The following ALCAM variants were observed in gnomAD, a reference collection of about 807,000 sequenced individuals.
The protein encoded by ALCAM is activated leukocyte cell adhesion molecule, also known as CD166 antigen.
A neutral mutation model predicts 70.9 loss-of-function variants in ALCAM; 30 were observed. The ratio of observed to expected loss-of-function variants is 0.42; its 90% CI spans 0.32 to 0.57. ALCAM has a LOEUF of 0.57. Among genes scored for constraint, ALCAM ranks in the 20% least tolerant of loss-of-function variants. The pLI, the probability that ALCAM is intolerant of heterozygous loss-of-function variation, is 0.11. For missense variants in ALCAM, 591 were observed against 695.1 expected, an observed-to-expected ratio of 0.85 and a Z score of 1.68; for synonymous variants, 249 against 242.5, an observed-to-expected ratio of 1.03 and a Z score of -0.25.
intron 1 of ALCAM, among the ~76,000 whole-genome samples, chr3:105,385,010 T>A (rs936556027): frequency 1.3e-5 from 2 of 151,570 alleles, no homozygotes; most frequent in African/African-American, 2.4e-5. Flanking sequence ...GACAATTTTT[T>A]AAAAAATCTT....
At chr3:105,539,319 C>T (rs1940057667) in intron 6 of ALCAM, among the ~76,000 whole-genome samples, 1 of 152,078 alleles carries the variant, frequency 6.6e-6, no homozygotes, top group South Asian at 2.1e-4. Context: ...GAAGCATACC[C>T]TTTAGCCCTA....
chr3:105,506,579 C>T (rs1031370313), intron 1 of ALCAM, among the ~76,000 whole-genome samples: 1 of 152,132 alleles, frequency 6.6e-6, no homozygotes, highest in Non-Finnish European at 1.5e-5. Flanking sequence ...CCTAGTATTC[C>T]TTTAATGAGT....
chr3:105,518,926 G>T (rs1182893233), intron 1 of ALCAM, among the ~76,000 whole-genome samples: 1 of 152,088 alleles, frequency 6.6e-6, no homozygotes, highest in Non-Finnish European at 1.5e-5. Context: ...ATAGATAACA[G>T]TCGAAAGATG....
At chr3:105,412,474 C>T (rs1048048893) in intron 1 of ALCAM, among the ~76,000 whole-genome samples, 34 of 152,038 alleles carry the variant, frequency 2.2e-4, no homozygotes, top group African/African-American at 8.2e-4. Context: ...TAATTTTATA[C>T]TCAAATCTAG....
chr3:105,571,294 G>A lies in ALCAM; in HGVS notation c.1665-558G>A, dbSNP rs532343681. 1.2e-4 allele frequency among the ~76,000 whole-genome samples: 19 copies of A among 152,274 alleles called. No homozygotes were observed. In the South Asian group the frequency reaches 2.1e-3, roughly 17 times the overall value. On this transcript the variant is annotated intron_variant, in intron 14 of 15. Transcript: ENST00000306107. The stretch of plus-strand genomic sequence containing the variant: ...ACTGCTGGTCTGGGGACCATAATTT[G>A]AGAACCAGCCACGTTAAAGTTGCTA...
At chr3:105,514,265 T>C (rs1559817366) in intron 1 of ALCAM, among the ~76,000 whole-genome samples, 1 of 151,940 alleles carries the variant, frequency 6.6e-6, no homozygotes, top group Admixed American at 6.6e-5. Context: ...ATTTGATGCA[T>C]GATTGAATGA....
chr3:105,480,463 G>A (rs1395853816), intron 1 of ALCAM, among the ~76,000 whole-genome samples: 4 of 152,272 alleles, frequency 2.6e-5, no homozygotes, highest in African/African-American at 9.6e-5. Context: ...ATGTTTCTGA[G>A]TGTGGTGTGT....
At chr3:105,524,756 G>T (rs1276560175) in intron 3 of ALCAM, 1 of 1,247,192 alleles carries the variant, frequency 8.0e-7, no homozygotes, top group Non-Finnish European at 1.0e-6. Flanking sequence ...ATGTAAAAAT[G>T]TCGTGAGCTA....
At chr3:105,403,457 T>A (rs756132464) in intron 1 of ALCAM, among the ~76,000 whole-genome samples, 1 of 152,120 alleles carries the variant, frequency 6.6e-6, no homozygotes, top group Non-Finnish European at 1.5e-5. Flanking sequence ...GTAGCTCCAC[T>A]GGGTTGCCAG....
chr3:105,572,542 A>G (rs147355793), intron 15 of ALCAM, among the ~76,000 whole-genome samples: 9 of 152,306 alleles, frequency 5.9e-5, no homozygotes, highest in African/African-American at 2.2e-4. Context: ...TGCAATAAAC[A>G]TACATGTGGA....
intron 1 of ALCAM, among the ~76,000 whole-genome samples, chr3:105,506,371 C>T (rs1319601402): frequency 6.6e-6 from 1 of 152,148 alleles, no homozygotes; most frequent in Non-Finnish European, 1.5e-5. Flanking sequence ...TGAAAATTAC[C>T]ATTGGATTTT....
chr3:105,523,086 G>A (rs1939588843), intron 2 of ALCAM, among the ~76,000 whole-genome samples: 1 of 139,420 alleles, frequency 7.2e-6, no homozygotes, highest in Non-Finnish European at 1.5e-5. Context: ...CTTGCAGTGA[G>A]CCGAAGTTGT....
chr3:105,401,141 G>A (rs1264567106), intron 1 of ALCAM, among the ~76,000 whole-genome samples: 1 of 152,220 alleles, frequency 6.6e-6, no homozygotes, highest in Non-Finnish European at 1.5e-5. Context: ...TACAGGCATT[G>A]ATCGTTTCTT....
chr3:105,538,601 T>C (rs1049945102), intron 6 of ALCAM, among the ~76,000 whole-genome samples: 2 of 152,082 alleles, frequency 1.3e-5, no homozygotes, highest in African/African-American at 4.8e-5. Flanking sequence ...CTGGCTGTTC[T>C]GTTGTGTCAA....
intron 1 of ALCAM, among the ~76,000 whole-genome samples, chr3:105,449,201 A>C (rs189802080): frequency 6.8e-4 from 104 of 152,322 alleles, no homozygotes; most frequent in African/African-American, 2.4e-3. Context: ...GTTCAGCATA[A>C]AATAGTATCT....
intron 1 of ALCAM, among the ~76,000 whole-genome samples, chr3:105,385,473 A>G (rs548034707): frequency 1.6e-4 from 24 of 151,738 alleles, no homozygotes; most frequent in Admixed American, 7.2e-4. Flanking sequence ...CAAACTGTTT[A>G]TGTGGACCAG....
chr3:105,473,846 G>T (rs13317379), intron 1 of ALCAM, among the ~76,000 whole-genome samples: 12,230 of 151,296 alleles, frequency 0.081, 609 homozygotes, highest in Non-Finnish European at 0.12. Context: ...TAGACAATGT[G>T]AGCTGCTGAT....
chr3:105,483,796 A>G (rs1001007917), intron 1 of ALCAM, among the ~76,000 whole-genome samples: 1 of 152,146 alleles, frequency 6.6e-6, no homozygotes, highest in Non-Finnish European at 1.5e-5. Flanking sequence ...ACATGTAAAC[A>G]GAAGTTGCAT....
intron 1 of ALCAM, among the ~76,000 whole-genome samples, chr3:105,445,989 C>T (rs572047358): frequency 1.3e-5 from 2 of 152,044 alleles, no homozygotes; most frequent in South Asian, 2.1e-4. Flanking sequence ...GGAATTACAT[C>T]TAATGTAAAT....
Sources: gnomAD v4.1 joint callset for allele counts (sites outside exome capture counted in the v4.1 genomes callset) on GRCh38, gnomAD v4.1.1 for gene constraint, MANE v1.5 for transcripts, NCBI Gene and HGNC (gene_info 2026-07-23, HGNC 2026-07-21) for gene names.